The following ZNF875 variants were observed in gnomAD, a reference collection of about 807,000 sequenced individuals.
ZNF875 encodes the protein zinc finger protein 875, also known as HKR1, GLI-Kruppel zinc finger family member.
A neutral mutation model predicts 11.2 loss-of-function variants in ZNF875; 14 were observed. That is an observed-to-expected ratio of 1.26 (90% confidence interval 0.83 to 1.96). The LOEUF is 1.96. Ranked by LOEUF, ZNF875 falls within the 30% of genes most tolerant of loss-of-function variation. ZNF875 has a pLI of 0.00. For missense variants in ZNF875, 752 were observed against 760.4 expected, an observed-to-expected ratio of 0.99 and a Z score of 0.13; for synonymous variants, 301 against 281.1, an observed-to-expected ratio of 1.07 and a Z score of -0.71.
upstream of ZNF875, among the ~76,000 whole-genome samples, chr19:37,333,719 C>T (rs117745153): frequency 4.3e-3 from 661 of 152,096 alleles, 2 homozygotes; most frequent in Non-Finnish European, 6.7e-3. Context: ...CTGCTTGATG[C>T]CCTAGAAGCC....
intron 4 of ZNF875, among the ~76,000 whole-genome samples, chr19:37,327,690 G>A (rs901704121): frequency 2.0e-5 from 3 of 150,544 alleles, no homozygotes; most frequent in Middle Eastern, 3.4e-3. Context: ...GCTTGAACCC[G>A]GAGGCAGAGG....
intron 2 of ZNF875, among the ~76,000 whole-genome samples, chr19:37,336,521 GATCTCCT>G (rs2034460832): frequency 6.7e-6 from 1 of 149,992 alleles, no homozygotes; most frequent in African/African-American, 2.4e-5. Flanking sequence ...GGATGGTCTC[GATCTCCT>G]GACCTCATGA....
At chr19:37,322,749 C>G (rs955896093) in intron 2 of ZNF875, among the ~76,000 whole-genome samples, 1 of 152,148 alleles carries the variant, frequency 6.6e-6, no homozygotes, top group Non-Finnish European at 1.5e-5. Flanking sequence ...GTAAACACTT[C>G]CTGGGGTGTT....
At chr19:37,359,671 G>T in intron 4 of ZNF875, 1 of 210,746 alleles carries the variant, frequency 4.7e-6, no homozygotes, top group South Asian at 5.9e-5. Flanking sequence ...CAAAGTGCTG[G>T]GATTACAGGC....
chr19:37,364,215 T>G lies in ZNF875; in HGVS notation c.*440T>G, dbSNP rs1600253103. The G allele has an allele frequency of 2.3e-5, 4 of 172,894 alleles. No individual in the cohort carries two copies. The highest frequency in any genetic ancestry group is 3.3e-4 in the East Asian group (2 of 6,046). 10.7% of individuals were successfully genotyped at this position (172,894 alleles called of 1,614,324 possible). A position where few individuals can be genotyped will look rare whatever the true frequency, so the allele number is the denominator to read the frequency against. On this transcript the variant is annotated 3_prime_UTR_variant, in exon 5 of 5. Coordinates refer to ENST00000392153, the MANE Select transcript of ZNF875 (RefSeq NM_001353803.2). ...ACCCTTCACCTATTTTACGTATACCTGCCCTTTCCTAATTGGTTTTTACAC... is the reference window on the plus strand; with the variant it reads ...ACCCTTCACCTATTTTACGTATACCGGCCCTTTCCTAATTGGTTTTTACAC...
At chr19:37,334,842 C>G in intron 1 of ZNF875, 60 bp downstream of exon 1, 1 of 459,720 alleles carries the variant, frequency 2.2e-6, no homozygotes, top group Non-Finnish European at 4.4e-6. Flanking sequence ...ACGGGGACGC[C>G]GGCTGGGAGC....
intron 4 of ZNF875, among the ~76,000 whole-genome samples, chr19:37,357,475 G>GT (rs1422197121): frequency 1.3e-5 from 2 of 152,158 alleles, no homozygotes; most frequent in Admixed American, 1.3e-4. Context: ...AGCATAGAAT[G>GT]TTTTTCCCTT....
intron 4 of ZNF875, among the ~76,000 whole-genome samples, chr19:37,355,292 C>T (rs1384814786): frequency 6.6e-6 from 1 of 152,096 alleles, no homozygotes; most frequent in Non-Finnish European, 1.5e-5. Flanking sequence ...TGGGTTCAAG[C>T]GATTCTCCTG....
chr19:37,319,344 CATATATATATATAT>C (rs146774743), intron 1 of ZNF875, among the ~76,000 whole-genome samples: 4 of 112,330 alleles, frequency 3.6e-5, no homozygotes, highest in African/African-American at 8.4e-5. Flanking sequence ...CTGCAGCCGG[CATATATATATATAT>C]ATATATATAT....
At chr19:37,318,769 C>T (rs1452707664) in intron 1 of ZNF875, among the ~76,000 whole-genome samples, 2 of 152,128 alleles carry the variant, frequency 1.3e-5, no homozygotes, top group Non-Finnish European at 2.9e-5. Flanking sequence ...GATCCTCCCG[C>T]CTCTGCCTCC....
At chr19:37,328,927 A>G (rs2032956499) in intron 4 of ZNF875, 1 of 152,202 alleles carries the variant, frequency 6.6e-6, no homozygotes, top group South Asian at 2.1e-4. Flanking sequence ...ATTAGATCAT[A>G]GTGTGGTCCT....
intron 1 of ZNF875, among the ~76,000 whole-genome samples, chr19:37,318,607 T>A (rs377080010): frequency 9.9e-5 from 15 of 151,496 alleles, no homozygotes; most frequent in African/African-American, 2.9e-4. Context: ...CTGCAAGCTC[T>A]GTCTCCTGGG....
At chr19:37,354,781 C>T (rs1490749079) in intron 4 of ZNF875, among the ~76,000 whole-genome samples, 1 of 152,068 alleles carries the variant, frequency 6.6e-6, no homozygotes, top group Non-Finnish European at 1.5e-5. Flanking sequence ...GGTTGGTTCT[C>T]GTGAGATCAA....
At chr19:37,333,819 T>C (rs943190285), upstream of ZNF875, among the ~76,000 whole-genome samples, 2 of 152,076 alleles carry the variant, frequency 1.3e-5, no homozygotes, top group African/African-American at 4.8e-5. Context: ...AACAATATTT[T>C]AATGTAATAT....
chr19:37,350,625 C>G (rs1285638196), intron 4 of ZNF875, among the ~76,000 whole-genome samples: 2 of 151,552 alleles, frequency 1.3e-5, no homozygotes, highest in Admixed American at 1.3e-4. Context: ...TTAATTGTTG[C>G]TCTATAGTAG....
upstream of ZNF875, chr19:37,315,400 T>A (rs920838067): frequency 1.3e-5 from 2 of 152,230 alleles, no homozygotes; most frequent in Admixed American, 6.5e-5. Flanking sequence ...ATACATATTT[T>A]CTGCAAATTC....
At chr19:37,356,591 A>G (rs1025827380) in intron 4 of ZNF875, among the ~76,000 whole-genome samples, 1 of 152,002 alleles carries the variant, frequency 6.6e-6, no homozygotes, top group Admixed American at 6.6e-5. Flanking sequence ...GATTTTGAGC[A>G]TTTTTTATGT....
chr19:37,337,778 G>C (rs781312118), intron 2 of ZNF875: 1 of 151,098 alleles, frequency 6.6e-6, no homozygotes, highest in South Asian at 2.1e-4. Context: ...GATTGGTGAC[G>C]ATGATGCCCC....
chr19:37,363,113 C>A lies in ZNF875; in HGVS notation c.1261C>A (p.Pro421Thr), dbSNP rs769801823. The change falls in exon 5 of 5, where the codon CCT becomes ACT. Residue 421 changes from proline to threonine, a missense_variant. Physicochemically the swap from Pro to Thr is conservative, Grantham distance 38. Transcript: ENST00000392153. ...CTTAAGGACACACACAGGAGAGAAG[C>A]CTTATGTATGCACAGAATGTGGGCG... is the stretch of plus-strand genomic sequence containing the variant. Reference protein sequence around the residue: ...RHLRTHTGEKPYVCTECGRHF... With the variant: ...RHLRTHTGEKTYVCTECGRHF... The A allele has an allele frequency of 3.7e-6, 6 of 1,613,770 alleles. No homozygotes were observed. The highest frequency in any genetic ancestry group is 2.7e-5 in the African/African-American group (2 of 74,836).
Sources: allele counts gnomAD v4.1 joint callset (sites outside exome capture counted in the v4.1 genomes callset), GRCh38; gene constraint gnomAD v4.1.1; transcripts MANE v1.5; gene names NCBI Gene and HGNC (gene_info 2026-07-23, HGNC 2026-07-21).